DLGAP2: variants seen among roughly 807,000 people sequenced by gnomAD.
The protein encoded by DLGAP2 is DLG associated protein 2.
DLGAP2 carries 26 observed loss-of-function variants against 100.3 expected under a neutral mutation model. The ratio of observed to expected loss-of-function variants is 0.26; its 90% CI spans 0.19 to 0.36. DLGAP2 has a LOEUF of 0.36. Among genes scored for constraint, DLGAP2 ranks in the 10% least tolerant of loss-of-function variants. The probability of loss-of-function intolerance (pLI) is 1.00; values close to 1 mark genes in which losing one functional copy is unlikely to be tolerated. For missense variants in DLGAP2, 1,858 were observed against 1,453.2 expected, an observed-to-expected ratio of 1.28 and a Z score of -4.53; for synonymous variants, 886 against 630.1, an observed-to-expected ratio of 1.41 and a Z score of -6.08.
intron 3 of DLGAP2, among the ~76,000 whole-genome samples, chr8:1,365,176 G>A (rs1174147026): frequency 1.3e-5 from 2 of 152,226 alleles, no homozygotes; most frequent in Non-Finnish European, 1.5e-5. Flanking sequence ...TTTGAGGGGT[G>A]TGTTAGGACC....
At chr8:1,341,770 G>C (rs1801423946) in intron 3 of DLGAP2, among the ~76,000 whole-genome samples, 1 of 152,156 alleles carries the variant, frequency 6.6e-6, no homozygotes, top group Non-Finnish European at 1.5e-5. Context: ...TCATTTCCCA[G>C]CTGCAGTAGG....
chr8:1,213,755 C>T (rs1288850038), intron 2 of DLGAP2, among the ~76,000 whole-genome samples: 1 of 152,200 alleles, frequency 6.6e-6, no homozygotes, highest in East Asian at 1.9e-4. Context: ...CCATGAAGTG[C>T]TTTCTGGACA....
chr8:1,481,340 C>T (rs1375949642), intron 3 of DLGAP2, among the ~76,000 whole-genome samples: 1 of 152,036 alleles, frequency 6.6e-6, no homozygotes, highest in East Asian at 1.9e-4. Context: ...CGTTCAGAGA[C>T]CAGCCTGGAG....
At chr8:1,228,655 A>G (rs1220239630) in intron 2 of DLGAP2, among the ~76,000 whole-genome samples, 11 of 152,236 alleles carry the variant, frequency 7.2e-5, no homozygotes, top group Non-Finnish European at 1.5e-4. Flanking sequence ...AATTAATGCA[A>G]TGCAACATAT....
chr8:1,314,556 C>G (rs1229166351), intron 3 of DLGAP2, among the ~76,000 whole-genome samples: 1 of 152,226 alleles, frequency 6.6e-6, no homozygotes, highest in East Asian at 1.9e-4. Flanking sequence ...CAGCCACCAT[C>G]TGACTTTCCC....
chr8:1,047,107 C>T (rs1249478387), intron 2 of DLGAP2, among the ~76,000 whole-genome samples: 2 of 152,184 alleles, frequency 1.3e-5, no homozygotes, highest in African/African-American at 4.8e-5. Context: ...TTCTTATCCC[C>T]ATAAGAAACC....
At chr8:830,087 C>G (rs1167501985) in intron 1 of DLGAP2, among the ~76,000 whole-genome samples, 1 of 152,094 alleles carries the variant, frequency 6.6e-6, no homozygotes, top group African/African-American at 2.4e-5. Context: ...TAATATAGTT[C>G]TAGGCAAATG....
intron 2 of DLGAP2, among the ~76,000 whole-genome samples, chr8:1,176,879 C>G (rs1240595146): frequency 6.6e-6 from 1 of 152,146 alleles, no homozygotes; most frequent in African/African-American, 2.4e-5. Flanking sequence ...GAGCCAAGGA[C>G]TAGATATGTC....
chr8:1,006,341 G>T (rs929280260), intron 2 of DLGAP2, among the ~76,000 whole-genome samples: 2 of 152,136 alleles, frequency 1.3e-5, no homozygotes, highest in African/African-American at 4.8e-5. Context: ...TCACGTCAGG[G>T]GTGCCCTGCG....
intron 1 of DLGAP2, among the ~76,000 whole-genome samples, chr8:758,769 C>G (rs940509770): frequency 1.3e-5 from 2 of 152,084 alleles, no homozygotes; most frequent in African/African-American, 4.8e-5. Context: ...GCCATTTTGT[C>G]CAGGCTGGTC....
intron 2 of DLGAP2, among the ~76,000 whole-genome samples, chr8:1,228,261 T>G (rs1009936174): frequency 8.5e-5 from 13 of 152,056 alleles, no homozygotes; most frequent in African/African-American, 3.1e-4. Flanking sequence ...AAATAAAACT[T>G]TAAAAAAAGG....
intron 1 of DLGAP2, among the ~76,000 whole-genome samples, chr8:852,891 C>T (rs781404947): frequency 2.0e-5 from 3 of 151,384 alleles, no homozygotes; most frequent in South Asian, 2.1e-4. Context: ...ATCCCCTGGC[C>T]GATTCCGTTA....
intron 2 of DLGAP2, among the ~76,000 whole-genome samples, chr8:1,058,720 AG>A (rs1220876909): frequency 7.9e-5 from 12 of 152,216 alleles, no homozygotes; most frequent in African/African-American, 2.9e-4. Context: ...CTCTTAAGAC[AG>A]ATTGGCCTTA....
chr8:1,299,667 C>A (rs1310991753), intron 3 of DLGAP2, among the ~76,000 whole-genome samples: 3 of 152,162 alleles, frequency 2.0e-5, no homozygotes, highest in Non-Finnish European at 4.4e-5. Flanking sequence ...ATGCTATTCC[C>A]TATCTAATAT....
intron 3 of DLGAP2, among the ~76,000 whole-genome samples, chr8:1,363,373 C>A (rs558304082): frequency 6.6e-6 from 1 of 152,184 alleles, no homozygotes; most frequent in East Asian, 1.9e-4. Flanking sequence ...GTCCCACGTC[C>A]GTGGCACACC....
chr8:1,270,409 C>A (rs1269915715), intron 3 of DLGAP2, among the ~76,000 whole-genome samples: 1 of 152,202 alleles, frequency 6.6e-6, no homozygotes, highest in Non-Finnish European at 1.5e-5. Context: ...TTATAGGATG[C>A]AGAAGCATTT....
At chr8:997,774 T>C (rs561677686) in intron 2 of DLGAP2, among the ~76,000 whole-genome samples, 1 of 152,322 alleles carries the variant, frequency 6.6e-6, no homozygotes, top group South Asian at 2.1e-4. Context: ...TTCTCGTGCA[T>C]TTTCTCCTCT....
intron 1 of DLGAP2, among the ~76,000 whole-genome samples, chr8:765,619 G>A (rs996024517): frequency 1.3e-5 from 2 of 152,144 alleles, no homozygotes; most frequent in African/African-American, 2.4e-5. Context: ...AGTGACCCTA[G>A]GGAAAAAATT....
chr8:1,697,102 C>A, intron 13 of DLGAP2, 45 bp from the exon 14 acceptor site: 1 of 1,480,620 alleles, frequency 6.8e-7, no homozygotes. Flanking sequence ...GCCCTGTGCC[C>A]GCAGGAGACT....
Sources: allele counts gnomAD v4.1 joint callset (sites outside exome capture counted in the v4.1 genomes callset), GRCh38; gene constraint gnomAD v4.1.1; transcripts MANE v1.5; gene names NCBI Gene and HGNC (gene_info 2026-07-23, HGNC 2026-07-21).